The following VAV3 variants were observed in gnomAD, a reference collection of about 807,000 sequenced individuals.
VAV3 encodes vav guanine nucleotide exchange factor 3.
In VAV3, 94 loss-of-function variants were observed where a neutral mutation model predicts 131.2. That is an observed-to-expected ratio of 0.72 (90% CI 0.61 to 0.85). The LOEUF is 0.85. Ranked by LOEUF, VAV3 falls within the 40% of genes least tolerant of loss-of-function variation. The pLI is 0.00. For missense variants in VAV3, 939 were observed against 1,002.7 expected (o/e 0.94, Z 0.86); for synonymous variants, 349 against 342.0 (o/e 1.02, Z -0.22).
intron 15 of VAV3, among the ~76,000 whole-genome samples, chr1:107,741,027 A>T (rs369868395): frequency 1.3e-5 from 2 of 152,200 alleles, no homozygotes; most frequent in East Asian, 3.8e-4. Flanking sequence ...AAAATGAAAA[A>T]GAGGAGAGAG....
intron 2 of VAV3, among the ~76,000 whole-genome samples, chr1:107,809,592 T>C (rs1667222671): frequency 6.7e-6 from 1 of 148,942 alleles, no homozygotes. Context: ...ACTTATACAT[T>C]AAGGGAAAGG....
chr1:107,639,478 T>C (rs1231008654), intron 20 of VAV3, among the ~76,000 whole-genome samples: 3 of 151,726 alleles, frequency 2.0e-5, no homozygotes, highest in Non-Finnish European at 4.4e-5. Flanking sequence ...AGCCAAATAA[T>C]AAAAAAATGC....
chr1:107,873,574 C>T (rs545919723), intron 2 of VAV3, among the ~76,000 whole-genome samples: 11 of 152,100 alleles, frequency 7.2e-5, no homozygotes, highest in Non-Finnish European at 1.6e-4. Flanking sequence ...GAAGTGTCCA[C>T]CTCACCTGTG....
rs180747250 is a variant in VAV3, at chr1:107,792,401, G to A, written c.322-12909C>T. ...TGGCACACTGCAGCCTCAAACACAC[G>A]GGCTCAAGTGATCCTCCCACCTCAG... On this transcript the variant is annotated intron_variant, in intron 2 of 26. Coordinates refer to ENST00000370056, the MANE Select transcript of VAV3 (RefSeq NM_006113.5). 3.1e-3 allele frequency among the ~76,000 whole-genome samples: 476 copies of A among 152,174 alleles called. 2 individuals carry two copies. Among genetic ancestry groups the A allele is most frequent in the African/African-American group, 0.011 (442 of 41,512 alleles).
chr1:107,923,458 T>C lies in VAV3; in HGVS notation c.204+41208A>G, dbSNP rs114549609. On this transcript the variant is annotated intron_variant, in intron 1 of 26. Coordinates refer to ENST00000370056, the MANE Select transcript of VAV3 (RefSeq NM_006113.5). ...GAATGAAATTAGTGACCTTATAAAA[T>C]AGGCCTGTATTAGTCCGTTCTCACA... Among the ~76,000 whole-genome samples, 823 of 152,202 alleles carry C rather than the reference T, an allele frequency of 5.4e-3. 5 individuals are homozygous for C. Among genetic ancestry groups the C allele is most frequent in the Non-Finnish European group, 9.9e-3 (671 of 68,014 alleles).
At chr1:107,750,595 A>C (rs967618848) in intron 13 of VAV3, among the ~76,000 whole-genome samples, 3 of 152,194 alleles carry the variant, frequency 2.0e-5, no homozygotes, top group South Asian at 2.1e-4. Context: ...GCTTCTCCAA[A>C]GATTCCAGAA....
Position 107,658,534 on chromosome 1 carries a change from A to G in VAV3, c.1778-15779T>C, listed in dbSNP as rs563479857. ...CTGAGGAATCGCCACACTGACTTCC[A>G]CAATGGTTGAACTAGTTAACAGTCC... is the stretch of plus-strand genomic sequence containing the variant. On this transcript the variant is annotated intron_variant, in intron 19 of 26. Transcript: ENST00000370056. Among the ~76,000 whole-genome samples the G allele has an allele frequency of 1.1e-4, 16 of 152,206 alleles. 1 individual carries two copies. The East Asian group carries it at 3.1e-3, about 29-fold the overall frequency.
chr1:107,874,983 G>A lies in VAV3; in HGVS notation c.239C>T (p.Thr80Met), dbSNP rs144277684. The change falls in exon 2 of 27, where the codon ACG becomes ATG. Residue 80 changes from threonine to methionine, a missense_variant. Transcript: ENST00000370056. ...CATTCCAAACGTCTCACAACAGGCC[G>A]TGAGAAATGTCCTTATGTTCTTCAA... ...LCLKNIRTFL[T>M]ACCETFGMRK... is the part of the protein sequence containing the mutation. 2.5e-4 allele frequency: 405 copies of A among 1,613,266 alleles called. 4 individuals are homozygous for A. In the South Asian group the frequency reaches 3.6e-3, roughly 14 times the overall value.
chr1:107,795,708 T>G (rs1418541259), intron 2 of VAV3, among the ~76,000 whole-genome samples: 1 of 152,256 alleles, frequency 6.6e-6, no homozygotes, highest in South Asian at 2.1e-4. Context: ...TATAAACATT[T>G]GCATAAGTCG....
intron 2 of VAV3, among the ~76,000 whole-genome samples, chr1:107,839,882 G>C (rs1668620151): frequency 1.3e-5 from 2 of 152,046 alleles, no homozygotes; most frequent in Admixed American, 1.3e-4. Context: ...GATAACAAGG[G>C]AATACAATGA....
chr1:107,744,262 G>T (rs1411530832), intron 15 of VAV3, among the ~76,000 whole-genome samples: 2 of 152,184 alleles, frequency 1.3e-5, no homozygotes, highest in Non-Finnish European at 2.9e-5. Context: ...CAGTAGACAG[G>T]CCTGACCTCT....
At position 107,766,429 on chromosome 1, in the gene VAV3, T is replaced by C. The variant is rs367925764; in HGVS notation, c.821+18A>G. The C allele has an allele frequency of 2.4e-5, 38 of 1,565,772 alleles. No homozygotes were observed. Among genetic ancestry groups the C allele is most frequent in the Middle Eastern group, 1.7e-4 (1 of 5,910 alleles). ...AATTACAAGCTAAGACCCACAAAAC[T>C]TAAACTTCAAAAGTTACCTTTCCTT... On this transcript the variant is annotated intron_variant, in intron 8 of 26. Transcript: ENST00000370056.
At chr1:107,582,099 C>G (rs570995253) in intron 25 of VAV3, among the ~76,000 whole-genome samples, 1 of 152,124 alleles carries the variant, frequency 6.6e-6, no homozygotes, top group African/African-American at 2.4e-5. Flanking sequence ...TGATCACTTG[C>G]GTTTGCTGCC....
chr1:107,585,008 A>C (rs1650370010), intron 25 of VAV3, among the ~76,000 whole-genome samples: 1 of 152,208 alleles, frequency 6.6e-6, no homozygotes, highest in South Asian at 2.1e-4. Context: ...GGAGCTTAGA[A>C]ATTAGTGAAG....
At chr1:107,849,086 T>C (rs1669107524) in intron 2 of VAV3, among the ~76,000 whole-genome samples, 1 of 152,062 alleles carries the variant, frequency 6.6e-6, no homozygotes, top group African/African-American at 2.4e-5. Flanking sequence ...CACAAACAAA[T>C]GGAAGAACAT....
At chr1:107,915,496 A>T (rs1672567777) in intron 1 of VAV3, among the ~76,000 whole-genome samples, 1 of 152,158 alleles carries the variant, frequency 6.6e-6, no homozygotes, top group South Asian at 2.1e-4. Flanking sequence ...TCCCAATCCT[A>T]TGTGAAACTG....
At position 107,934,207 on chromosome 1, in the gene VAV3, C is replaced by A. The variant is rs181816693; in HGVS notation, c.204+30459G>T. Among the ~76,000 whole-genome samples the A allele has an allele frequency of 3.7e-4, 57 of 152,238 alleles. 1 individual carries two copies. In the East Asian group the frequency reaches 9.6e-3, roughly 26 times the overall value. ...ATATCCTTTAGAATAAGGATAAATTCTCTATTCTGTGAAATGGCTAGATGA... is the reference window on the plus strand; with the variant it reads ...ATATCCTTTAGAATAAGGATAAATTATCTATTCTGTGAAATGGCTAGATGA... On this transcript the variant is annotated intron_variant, in intron 1 of 26. Transcript: ENST00000370056.
chr1:107,753,561 C>CACACACACACT lies in VAV3; in HGVS notation c.1173+1865_1173+1866insAGTGTGTGTGT, dbSNP rs534112081. Among the ~76,000 whole-genome samples the CACACACACACT allele has an allele frequency of 5.5e-4, 45 of 81,582 alleles. 1 individual carries two copies. The highest frequency in any genetic ancestry group is 3.0e-4 in the Non-Finnish European group (11 of 37,200). The allele number at this position is 81,582 out of a possible 152,430, so 53.5% of individuals were successfully genotyped here. On this transcript the variant is annotated intron_variant, in intron 12 of 26. Transcript: ENST00000370056. Reference sequence around the variant, plus strand: ...ATATATATATATATACACACACACACTTTTTTTTTTGAGACAGAGTCAGAG... The same window carrying CACACACACACT: ...ATATATATATATATACACACACACACACACACACACTTTTTTTTTTTGAGACAGAGTCAGAG...
At chr1:107,754,757 T>A (rs1663998465) in intron 12 of VAV3, among the ~76,000 whole-genome samples, 1 of 152,202 alleles carries the variant, frequency 6.6e-6, no homozygotes, top group Non-Finnish European at 1.5e-5. Flanking sequence ...GCTTCTTGAA[T>A]ACACCTGGTT....
Sources: gnomAD v4.1 joint callset for allele counts (sites outside exome capture counted in the v4.1 genomes callset) on GRCh38, gnomAD v4.1.1 for gene constraint, MANE v1.5 for transcripts, NCBI Gene and HGNC (gene_info 2026-07-23, HGNC 2026-07-21) for gene names.